NR1H3: variants seen among roughly 807,000 people sequenced by gnomAD.
NR1H3 encodes nuclear receptor subfamily 1 group H member 3.
NR1H3 carries 19 observed loss-of-function variants against 48.1 expected under a neutral mutation model. That is an observed-to-expected ratio of 0.40 (90% CI 0.28 to 0.58). NR1H3 has a LOEUF of 0.58. NR1H3 is among the 20% of genes least tolerant of loss of function. The pLI, the probability that NR1H3 is intolerant of heterozygous loss-of-function variation, is 0.50. For synonymous variants in NR1H3, 232 were observed against 227.3 expected, an observed-to-expected ratio of 1.02 and a Z score of -0.19; for missense variants, 486 against 595.9, an observed-to-expected ratio of 0.82 and a Z score of 1.92.
intron 4 of NR1H3, among the ~76,000 whole-genome samples, chr11:47,260,958 G>A (rs768186127): frequency 8.6e-5 from 13 of 151,930 alleles, no homozygotes; most frequent in East Asian, 7.7e-4. Context: ...GGTGGTGAGC[G>A]CCTGTAATCC....
In NR1H3 at chr11:47,258,049, A is replaced by G; in HGVS notation, c.-118A>G. 1.0e-6 allele frequency: 1 copy of G among 985,104 alleles called. No homozygotes were observed. The highest frequency in any genetic ancestry group is 1.2e-6 in the Non-Finnish European group (1 of 830,064). The allele number at this position is 985,104 out of a possible 1,614,324, so 61.0% of individuals were successfully genotyped here. On this transcript the variant is annotated 5_prime_UTR_variant, in exon 1 of 10. Coordinates refer to ENST00000441012, the MANE Select transcript of NR1H3 (RefSeq NM_005693.4). ...TGGCTGGCCACCGAGACTTCTGGAC[A>G]GGAAACTGCACCATCCTCTTCTCCC...
At chr11:47,258,189 G>A (rs1955402325) in intron 1 of NR1H3, 60 bp downstream of exon 1, 5 of 985,576 alleles carry the variant, frequency 5.1e-6, no homozygotes, top group Non-Finnish European at 6.0e-6. Context: ...GTGGGGTCGG[G>A]GAATGTCCTA....
chr11:47,256,731 CT>C (rs59869867), upstream of NR1H3, among the ~76,000 whole-genome samples: 15,404 of 133,904 alleles, frequency 0.12, 917 homozygotes, highest in South Asian at 0.23. Context: ...AATAATATTT[CT>C]TTTTTTTTTT....
intron 1 of NR1H3, among the ~76,000 whole-genome samples, chr11:47,252,074 A>G (rs1167679708): frequency 1.3e-5 from 2 of 152,152 alleles, no homozygotes; most frequent in Non-Finnish European, 1.5e-5. Flanking sequence ...AAAAGAAAAA[A>G]AAAAAACACA....
rs550817384 is a variant in NR1H3, at chr11:47,252,249, G to A, written c.-93+3250G>A. Among the ~76,000 whole-genome samples the A allele has an allele frequency of 2.1e-5, 3 of 144,452 alleles. 1 individual carries two copies. The East Asian group carries it at 5.8e-4, about 28-fold the overall frequency. The allele number at this position is 144,452 out of a possible 152,430, so 94.8% of individuals were successfully genotyped here. ...GAAGAGGCAGTTTTTGTTTTGTTTTGTTGTTGTTGTTGTTGTTGTTGTTGT... is the reference window on the plus strand; with the variant it reads ...GAAGAGGCAGTTTTTGTTTTGTTTTATTGTTGTTGTTGTTGTTGTTGTTGT... On this transcript the variant is annotated intron_variant, in intron 1 of 8. Transcript: ENST00000395397.
rs1388126515 is a variant in NR1H3 at position 47,258,124 on chromosome 11, G to A, written c.-43G>A. On this transcript the variant is annotated 5_prime_UTR_variant, in exon 1 of 10. Coordinates refer to ENST00000441012, the MANE Select transcript of NR1H3 (RefSeq NM_005693.4). ...CACCCAGGAAGTCTGGTGGCCTGGG[G>A]ATTTGGTGGGTCTGCTCCTTAGCAG... 1 of 985,528 alleles carries A rather than the reference G, an allele frequency of 1.0e-6. No homozygotes were observed. Among genetic ancestry groups the A allele is most frequent in the African/African-American group, 1.7e-5 (1 of 57,208 alleles). 61.0% of individuals were successfully genotyped at this position (985,528 alleles called of 1,614,324 possible).
Position 47,261,923 on chromosome 11 carries a change from T to C in NR1H3, c.893T>C (p.Met298Thr). The part of the protein sequence containing the change: ...ALLKTSAIEV[M>T]LLETSRRYNP... ...AGGTTTGCTGCTTGTGTGCAGGTGA[T>C]GCTTCTGGAGACATCTCGGAGGTAC... Residue 298 changes from methionine (M) to threonine (T), a missense_variant, in exon 7 of 10, where the codon ATG (methionine) becomes ACG (threonine). Transcript: ENST00000441012. 1 of 1,613,916 alleles carries C rather than the reference T, an allele frequency of 6.2e-7. No homozygotes were observed. The highest frequency in any genetic ancestry group is 8.5e-7 in the Non-Finnish European group (1 of 1,179,860).
chr11:47,248,507 A>T (rs1379203544), upstream of NR1H3: 1 of 1,550,628 alleles, frequency 6.4e-7, no homozygotes, highest in Non-Finnish European at 8.7e-7. Flanking sequence ...GGTCATCCTG[A>T]CTCCCATAAG....
chr11:47,249,488 G>A (rs16938581), intron 1 of NR1H3, among the ~76,000 whole-genome samples: 40,661 of 152,022 alleles, frequency 0.27, 6,878 homozygotes, highest in East Asian at 0.65. Context: ...TCTTCCCAAA[G>A]GAGTTGGGTT....
intron 4 of NR1H3, among the ~76,000 whole-genome samples, 159 bp from the exon 5 acceptor site, chr11:47,261,082 C>CAA (rs34171260): frequency 0.26 from 37,787 of 146,022 alleles, 6,034 homozygotes; most frequent in East Asian, 0.65. Flanking sequence ...GACTCTGTTT[C>CAA]AAAAAAAAAA....
intron 7 of NR1H3, 54 bp from the exon 8 acceptor site, chr11:47,267,859 A>T: frequency 2.3e-6 from 3 of 1,280,984 alleles, no homozygotes; most frequent in Non-Finnish European, 2.3e-6. Context: ...TGAGGAGAGA[A>T]GAAAGTTCCT....
At chr11:47,248,381 G>A, upstream of NR1H3, 2 of 1,458,872 alleles carry the variant, frequency 1.4e-6, no homozygotes, top group Non-Finnish European at 1.9e-6. Context: ...AGAAGTGAAA[G>A]CAACGTATGT....
In NR1H3 at chr11:47,261,344, A is replaced by G; in HGVS notation, c.603A>G (p.Gln201=). The part of the protein sequence containing the change: ...SLPPRASSPP[Q]ILPQLSPEQL... Reference sequence around the variant, plus strand: ...CCCCCAGGGCTTCCTCACCCCCCCAAATCCTGCCCCAGCTCAGCCCGGAAC... The same window carrying G: ...CCCCCAGGGCTTCCTCACCCCCCCAGATCCTGCCCCAGCTCAGCCCGGAAC... Residue 201 remains glutamine (Q), a synonymous_variant, in exon 5 of 10, where the codon CAA becomes CAG. Coordinates refer to ENST00000441012, the MANE Select transcript of NR1H3 (RefSeq NM_005693.4). The G allele has an allele frequency of 1.2e-6, 2 of 1,613,446 alleles. No homozygotes were observed. Among genetic ancestry groups the G allele is most frequent in the Non-Finnish European group, 8.5e-7 (1 of 1,179,778 alleles).
rs1955719337 is a variant in NR1H3, at chr11:47,260,474, G to A, written c.298G>A (p.Val100Met). The A allele has an allele frequency of 1.9e-6, 3 of 1,614,224 alleles. No homozygotes were observed. Among genetic ancestry groups the A allele is most frequent in the Non-Finnish European group, 2.5e-6 (3 of 1,180,024 alleles). Reference sequence around the variant, plus strand: ...AATGCTGGGGAACGAGCTATGCAGCGTGTGTGGGGACAAGGCCTCGGGCTT... The same window carrying A: ...AATGCTGGGGAACGAGCTATGCAGCATGTGTGGGGACAAGGCCTCGGGCTT... ...PKMLGNELCSVCGDKASGFHY... is the reference protein window; with the variant it reads ...PKMLGNELCSMCGDKASGFHY... Residue 100 changes from valine (V) to methionine (M), a missense_variant, in exon 4 of 10, where the codon GTG (valine) becomes ATG (methionine). By Grantham distance (21) the Val-to-Met change is conservative. Transcript: ENST00000441012.
upstream of NR1H3, chr11:47,248,471 C>G (rs1166255495): frequency 1.0e-5 from 16 of 1,547,874 alleles, no homozygotes; most frequent in East Asian, 3.7e-4. Flanking sequence ...TTCCCTGTCT[C>G]AAGGCAGACT....
chr11:47,267,865 T>TTCCTGCTGC, intron 7 of NR1H3, 48 bp from the exon 8 acceptor site: 2 of 1,347,204 alleles, frequency 1.5e-6, no homozygotes, highest in African/African-American at 1.4e-5. Flanking sequence ...GAGAAGAAAG[T>TTCCTGCTGC]TCCTGCTGCT....
chr11:47,254,189 G>A (rs1383058383), upstream of NR1H3, among the ~76,000 whole-genome samples: 1 of 152,174 alleles, frequency 6.6e-6, no homozygotes, highest in African/African-American at 2.4e-5. Context: ...TGTGGTCCTG[G>A]GTCCTGGGAA....
At chr11:47,260,967 C>T (rs539855565) in intron 4 of NR1H3, among the ~76,000 whole-genome samples, 11 of 152,062 alleles carry the variant, frequency 7.2e-5, no homozygotes, top group African/African-American at 2.4e-4. Context: ...CGCCTGTAAT[C>T]CCAGCTACTC....
chr11:47,267,907 CCCCAGG>C lies in NR1H3; in HGVS notation c.989-5_989del. 1 of 1,608,812 alleles carries C rather than the reference CCCCAGG, an allele frequency of 6.2e-7. No homozygotes were observed. The highest frequency in any genetic ancestry group is 8.5e-7 in the Non-Finnish European group (1 of 1,175,284). On this transcript the variant is annotated splice_acceptor_variant and splice_polypyrimidine_tract_variant and coding_sequence_variant and intron_variant, in exon 8 of 10. Transcript: ENST00000441012. LOFTEE classifies it high-confidence loss of function. ...GCTTGCGTCAGCCTCCCTTCTTCCT[CCCCAGG>C]GCTGCAAGTGGAATTCATCAACCCC...
Sources: gnomAD v4.1 joint callset for allele counts (sites outside exome capture counted in the v4.1 genomes callset) on GRCh38, gnomAD v4.1.1 for gene constraint, MANE v1.5 for transcripts, NCBI Gene and HGNC (gene_info 2026-07-23, HGNC 2026-07-21) for gene names.